MNAT1: variants seen among roughly 807,000 people sequenced by gnomAD.
MNAT1 encodes the protein MNAT1 component of CDK activating kinase.
Under a neutral mutation model 42.0 loss-of-function variants are expected in MNAT1, and 43 were observed. The observed-to-expected ratio is 1.02, with a 90% CI of 0.80 to 1.32. MNAT1 has a LOEUF of 1.32. Among genes scored for constraint, MNAT1 ranks in the 40% most tolerant of loss-of-function variants. The pLI is 0.00. For missense variants in MNAT1, 306 were observed against 350.4 expected, an observed-to-expected ratio of 0.87 and a Z score of 1.01; for synonymous variants, 118 against 120.0, an observed-to-expected ratio of 0.98 and a Z score of 0.11.
intron 7 of MNAT1, among the ~76,000 whole-genome samples, chr14:60,882,644 TGA>T (rs1262352428): frequency 6.6e-6 from 1 of 152,190 alleles, no homozygotes; most frequent in Non-Finnish European, 1.5e-5. Flanking sequence ...TTTTGTTTTT[TGA>T]CAAACCTCGA....
chr14:60,955,637 G>C lies in MNAT1; in HGVS notation c.810-12592G>C, dbSNP rs980977461. On this transcript the variant is annotated intron_variant, in intron 7 of 7. Coordinates refer to ENST00000261245, the MANE Select transcript of MNAT1 (RefSeq NM_002431.4). ...GATCGCACCATTGCACTCAAACCTG[G>C]GCAACAAGAACAAAACTCTGTCTCT... Among the ~76,000 whole-genome samples, 3 of 152,016 alleles carry C rather than the reference G, an allele frequency of 2.0e-5. No individual in the cohort carries two copies. In the East Asian group the frequency reaches 5.8e-4, roughly 29 times the overall value.
chr14:60,778,346 A>G (rs1426141095), intron 1 of MNAT1, among the ~76,000 whole-genome samples: 1 of 152,172 alleles, frequency 6.6e-6, no homozygotes, highest in African/African-American at 2.4e-5. Context: ...TGTAATTGGA[A>G]TCAACATACA....
intron 6 of MNAT1, among the ~76,000 whole-genome samples, chr14:60,864,270 A>G (rs376277585): frequency 6.6e-6 from 1 of 151,784 alleles, no homozygotes; most frequent in Non-Finnish European, 1.5e-5. Context: ...ATGTTTAATA[A>G]ATATAATATA....
At position 60,747,406 on chromosome 14, in the gene MNAT1, CTATAAGGTGTAGCTTA is replaced by C. The variant is rs2029884004; in HGVS notation, c.89+12457_89+12472del. ...TGGTATAGTCTATTATATACCTAAG[CTATAAGGTGTAGCTTA>C]TTGCTCCTAGGCTACAGGTCTGTAT... On this transcript the variant is annotated intron_variant, in intron 1 of 7. Coordinates refer to ENST00000261245, the MANE Select transcript of MNAT1 (RefSeq NM_002431.4). Among the ~76,000 whole-genome samples, 2 of 152,072 alleles carry C rather than the reference CTATAAGGTGTAGCTTA, an allele frequency of 1.3e-5. 1 individual carries two copies. Among genetic ancestry groups the C allele is most frequent in the South Asian group, 4.1e-4 (2 of 4,822 alleles).
In MNAT1 at chr14:60,811,911, A is replaced by G. The variant is rs115118673; in HGVS notation, c.421-76A>G. ...AGTGTGTTTTATGCTTCCAATAAAGAAAGTATTAGAGTGTGGTATATGATT... is the reference window on the plus strand; with the variant it reads ...AGTGTGTTTTATGCTTCCAATAAAGGAAGTATTAGAGTGTGGTATATGATT... On this transcript the variant is annotated intron_variant, in intron 4 of 7. Coordinates refer to ENST00000261245, the MANE Select transcript of MNAT1 (RefSeq NM_002431.4). The G allele has an allele frequency of 4.2e-4, 447 of 1,057,622 alleles. 1 individual carries two copies. In the African/African-American group the frequency reaches 6.7e-3, roughly 16 times the overall value. The allele number at this position is 1,057,622 out of a possible 1,614,324, so 65.5% of individuals were successfully genotyped here.
chr14:60,857,657 G>T (rs1292165122), intron 6 of MNAT1, among the ~76,000 whole-genome samples: 2 of 152,112 alleles, frequency 1.3e-5, no homozygotes, highest in East Asian at 1.9e-4. Flanking sequence ...CATGTGCCAT[G>T]TTGGTTTGCT....
intron 1 of MNAT1, among the ~76,000 whole-genome samples, chr14:60,758,037 C>T (rs193077618): frequency 7.0e-4 from 106 of 152,132 alleles, no homozygotes; most frequent in African/African-American, 2.4e-3. Flanking sequence ...GTGGGACCAA[C>T]AAATATACCA....
At chr14:60,852,354 C>CT in intron 6 of MNAT1, among the ~76,000 whole-genome samples, 1 of 152,004 alleles carries the variant, frequency 6.6e-6, no homozygotes, top group Admixed American at 6.6e-5. Flanking sequence ...CTTTCATATC[C>CT]TTTGCCCACT....
intron 1 of MNAT1, among the ~76,000 whole-genome samples, chr14:60,773,089 C>T (rs974748178): frequency 2.6e-5 from 4 of 151,956 alleles, no homozygotes; most frequent in African/African-American, 4.8e-5. Context: ...AGGCACACGC[C>T]ACCACATCCA....
chr14:60,734,785 T>G lies in MNAT1; in HGVS notation c.-78T>G, dbSNP rs1594707009. ...CAAGCGCCTGTTGGTAGGAACCTGC[T>G]TGGTCGCGTCTGAGGGGGCTTGTAG... On this transcript the variant is annotated 5_prime_UTR_variant, in exon 1 of 8. Coordinates refer to ENST00000261245, the MANE Select transcript of MNAT1 (RefSeq NM_002431.4). The surrounding 1 kb of genome is among the most constrained non-coding windows in gnomAD (Gnocchi z 4.3). 5.1e-6 allele frequency: 7 copies of G among 1,368,334 alleles called. No individual in the cohort carries two copies. The South Asian group carries it at 5.9e-5, about 12-fold the overall frequency. The allele number at this position is 1,368,334 out of a possible 1,614,324, so 84.8% of individuals were successfully genotyped here.
chr14:60,751,955 C>T (rs2030113770), intron 1 of MNAT1, among the ~76,000 whole-genome samples: 1 of 152,080 alleles, frequency 6.6e-6, no homozygotes, highest in Admixed American at 6.5e-5. Flanking sequence ...GTAACTGAAG[C>T]AAACTGCATC....
At chr14:60,955,863 CTTCA>C (rs1422515104) in intron 7 of MNAT1, among the ~76,000 whole-genome samples, 1 of 151,710 alleles carries the variant, frequency 6.6e-6, no homozygotes, top group Non-Finnish European at 1.5e-5. Flanking sequence ...ATATCTCCTC[CTTCA>C]TTTCTAATTT....
intron 6 of MNAT1, among the ~76,000 whole-genome samples, chr14:60,827,108 A>G (rs745893081): frequency 6.6e-6 from 1 of 152,204 alleles, no homozygotes; most frequent in African/African-American, 2.4e-5. Flanking sequence ...AATTGTTTTT[A>G]TGTCAAAAGA....
intron 7 of MNAT1, among the ~76,000 whole-genome samples, chr14:60,916,848 G>A (rs943161563): frequency 5.3e-5 from 8 of 152,132 alleles, no homozygotes; most frequent in Non-Finnish European, 1.2e-4. Flanking sequence ...AACTAGTCAG[G>A]AGGCTGAGGC....
chr14:60,948,142 C>T (rs769104979), intron 7 of MNAT1, among the ~76,000 whole-genome samples: 3 of 152,138 alleles, frequency 2.0e-5, no homozygotes, highest in Non-Finnish European at 1.5e-5. Context: ...TTAAAAGATA[C>T]TGAAGGGGCT....
chr14:60,736,530 G>A (rs1269161785), intron 1 of MNAT1, among the ~76,000 whole-genome samples: 1 of 152,102 alleles, frequency 6.6e-6, no homozygotes, highest in Non-Finnish European at 1.5e-5. Context: ...ATTCATTCTG[G>A]TGTTGCATTT....
intron 1 of MNAT1, among the ~76,000 whole-genome samples, chr14:60,748,239 C>G (rs932190671): frequency 6.6e-6 from 1 of 151,928 alleles, no homozygotes; most frequent in African/African-American, 2.4e-5. Context: ...TTTAGGTTTT[C>G]CTTTTTTTTG....
chr14:60,747,078 C>G (rs764934455), intron 1 of MNAT1, among the ~76,000 whole-genome samples: 2 of 149,070 alleles, frequency 1.3e-5, no homozygotes, highest in Admixed American at 1.3e-4. Context: ...CTCTGCCTCC[C>G]AGGTTCACGC....
intron 1 of MNAT1, among the ~76,000 whole-genome samples, chr14:60,738,080 C>CAAA (rs35298974): frequency 1.7e-5 from 2 of 115,698 alleles, no homozygotes; most frequent in Non-Finnish European, 3.6e-5. Context: ...CCCTATCTTA[C>CAAA]AAAAAAAAAA....
Sources: gnomAD v4.1 joint callset for allele counts (sites outside exome capture counted in the v4.1 genomes callset) on GRCh38, gnomAD v4.1.1 for gene constraint, Gnocchi (gnomAD v3.1) non-coding constraint, MANE v1.5 for transcripts, NCBI Gene and HGNC (gene_info 2026-07-23, HGNC 2026-07-21) for gene names.